Variants in VSX1 observed in about 807,000 individuals in gnomAD.
VSX1 encodes homeodomain protein RINX.
Under a neutral mutation model 23.6 loss-of-function variants are expected in VSX1, and 23 were observed. The ratio of observed to expected loss-of-function variants is 0.97; its 90% CI spans 0.70 to 1.38. VSX1 has a LOEUF of 1.38. VSX1 is among the 40% of genes most tolerant of loss of function. The probability of loss-of-function intolerance (pLI) is 0.00; values close to 1 mark genes in which losing one functional copy is unlikely to be tolerated. For synonymous variants in VSX1, 247 were observed against 215.1 expected (o/e 1.15, Z -1.30); for missense variants, 517 against 495.4 (o/e 1.04, Z -0.41).
At chr20:25,080,749 A>G (rs1190696314) in intron 1 of VSX1, among the ~76,000 whole-genome samples, 2 of 152,184 alleles carry the variant, frequency 1.3e-5, no homozygotes, top group Non-Finnish European at 2.9e-5. Context: ...AGGGAGTTTC[A>G]TTTTATCTTA....
At chr20:25,077,053 A>G (rs1378881816) in intron 4 of VSX1, among the ~76,000 whole-genome samples, 1 of 152,144 alleles carries the variant, frequency 6.6e-6, no homozygotes, top group African/African-American at 2.4e-5. Flanking sequence ...CCTCCTAACT[A>G]ATTACCCCGT....
chr20:25,078,618 G>T (rs1380412017), intron 3 of VSX1: 3 of 1,429,160 alleles, frequency 2.1e-6, no homozygotes, highest in Non-Finnish European at 9.2e-7. Context: ...TGATTTTAAA[G>T]AATGATTTGA....
downstream of VSX1, among the ~76,000 whole-genome samples, chr20:25,073,289 CAT>C (rs2089419017): frequency 1.3e-5 from 2 of 152,090 alleles, no homozygotes; most frequent in Admixed American, 1.3e-4. Flanking sequence ...AAACTTAGAA[CAT>C]ATTTAAAAAT....
rs2089474579 is a variant in VSX1, at chr20:25,075,751, C to A, written c.*510G>T. The A allele has an allele frequency of 6.4e-6, 1 of 157,138 alleles. No individual in the cohort carries two copies. Among genetic ancestry groups the A allele is most frequent in the African/African-American group, 2.4e-5 (1 of 41,436 alleles). 9.7% of individuals were successfully genotyped at this position (157,138 alleles called of 1,614,324 possible). On this transcript the variant is annotated 3_prime_UTR_variant, in exon 5 of 5. Coordinates refer to ENST00000376709, the MANE Select transcript of VSX1 (RefSeq NM_014588.6). ...ACACTCAAGAAAACACAAAATTACT[C>A]CCTAACAAGAAAATTGAAATATCCA...
At chr20:25,074,944 C>T (rs1223412472), downstream of VSX1, among the ~76,000 whole-genome samples, 1 of 152,208 alleles carries the variant, frequency 6.6e-6, no homozygotes, top group Non-Finnish European at 1.5e-5. Context: ...GGTGCAGTCT[C>T]AGGCCTCAGT....
chr20:25,079,737 G>A (rs779516617), intron 1 of VSX1, among the ~76,000 whole-genome samples: 1 of 151,600 alleles, frequency 6.6e-6, no homozygotes, highest in Non-Finnish European at 1.5e-5. Flanking sequence ...CAAAATGGCT[G>A]CTGCTATTAT....
At chr20:25,078,554 T>A in intron 3 of VSX1, 1 of 1,363,400 alleles carries the variant, frequency 7.3e-7, no homozygotes, top group Non-Finnish European at 9.4e-7. Context: ...TCTCTTTTTT[T>A]TTTTTTTCAT....
chr20:25,081,354 G>A (rs901718953), intron 1 of VSX1: 3 of 627,126 alleles, frequency 4.8e-6, no homozygotes, highest in East Asian at 3.5e-5. Context: ...GCCTGGCGCT[G>A]GGGGGAAAAA....
At chr20:25,079,620 T>C in intron 1 of VSX1, 106 bp from the exon 2 acceptor site, 1 of 1,207,332 alleles carries the variant, frequency 8.3e-7, no homozygotes, top group Admixed American at 2.0e-5. Flanking sequence ...GGTACTTAAG[T>C]AGTTTACAGT....
downstream of VSX1, chr20:25,071,672 G>C (rs6050296): frequency 0.013 from 7,719 of 616,652 alleles, 407 homozygotes; most frequent in African/African-American, 0.12. Flanking sequence ...CTAGGACCTA[G>C]CTGTCATGAC....
At chr20:25,073,474 C>G (rs1051925676), downstream of VSX1, among the ~76,000 whole-genome samples, 1 of 152,134 alleles carries the variant, frequency 6.6e-6, no homozygotes, top group Non-Finnish European at 1.5e-5. Flanking sequence ...CAGTCATTCC[C>G]CTTTCTTTCT....
At chr20:25,079,817 AGGTAGTAAAT>A (rs779239821) in intron 1 of VSX1, among the ~76,000 whole-genome samples, 7 of 152,168 alleles carry the variant, frequency 4.6e-5, no homozygotes, top group Non-Finnish European at 8.8e-5. Flanking sequence ...AAAATCACAC[AGGTAGTAAAT>A]GGTGAAGTTG....
In VSX1 at chr20:25,076,169, G is replaced by C; in HGVS notation, c.*92C>G. The C allele has an allele frequency of 6.4e-7, 1 of 1,554,532 alleles. No homozygotes were observed. Among genetic ancestry groups the C allele is most frequent in the South Asian group, 1.1e-5 (1 of 88,962 alleles). On this transcript the variant is annotated 3_prime_UTR_variant, in exon 5 of 5. Transcript: ENST00000376709. Reference sequence around the variant, plus strand: ...GACATTGTCAGAAGAAAATCAAACTGAGAGTATATGTCTTGGACAATTTTT... The same window carrying C: ...GACATTGTCAGAAGAAAATCAAACTCAGAGTATATGTCTTGGACAATTTTT...
chr20:25,075,206 C>T (rs1372434478), downstream of VSX1, among the ~76,000 whole-genome samples: 1 of 152,212 alleles, frequency 6.6e-6, no homozygotes, highest in Non-Finnish European at 1.5e-5. Flanking sequence ...TTTCCTTGTA[C>T]TGCCCTTCCT....
At chr20:25,079,047 T>C (rs1600384942) in intron 2 of VSX1, 95 bp from the exon 3 acceptor site, 1 of 1,479,684 alleles carries the variant, frequency 6.8e-7, no homozygotes, top group Non-Finnish European at 9.4e-7. Flanking sequence ...TCCTCTGCTG[T>C]CCAGACCCTA....
chr20:25,081,827 C>T lies in VSX1; in HGVS notation c.270G>A (p.Thr90=). 1.3e-6 allele frequency: 2 copies of T among 1,504,414 alleles called. No individual in the cohort carries two copies. The highest frequency in any genetic ancestry group is 2.7e-5 in the East Asian group (1 of 37,224). The allele number at this position is 1,504,414 out of a possible 1,614,324, so 93.2% of individuals were successfully genotyped here. The change falls in exon 1 of 5, where the codon ACG becomes ACA. Residue 90 remains threonine (T), a synonymous_variant. Transcript: ENST00000376709. ...LGLGLLCGFG[T]QPPAAARAPC... is the part of the protein sequence containing the mutation. ...GTGCTCGAGCGGCCGCCGGCGGCTGCGTGCCGAAGCCACAGAGGAGGCCGA... is the reference window on the plus strand; with the variant it reads ...GTGCTCGAGCGGCCGCCGGCGGCTGTGTGCCGAAGCCACAGAGGAGGCCGA...
intron 1 of VSX1, among the ~76,000 whole-genome samples, chr20:25,080,172 G>A (rs2089610166): frequency 6.6e-6 from 1 of 152,178 alleles, no homozygotes; most frequent in Non-Finnish European, 1.5e-5. Flanking sequence ...ACATCAAAAA[G>A]TCTAGATGGA....
chr20:25,078,981 G>T (rs796104730), intron 2 of VSX1, 29 bp from the exon 3 acceptor site: 1 of 1,612,752 alleles, frequency 6.2e-7, no homozygotes, highest in Non-Finnish European at 8.5e-7. Context: ...ACACAGGTGG[G>T]CACATGTCCC....
chr20:25,074,246 A>T (rs2089441264), downstream of VSX1, among the ~76,000 whole-genome samples: 1 of 152,220 alleles, frequency 6.6e-6, no homozygotes, highest in African/African-American at 2.4e-5. Flanking sequence ...AAAAACCAAG[A>T]GATCAGAAAG....
Sources: gnomAD v4.1 joint callset for allele counts (sites outside exome capture counted in the v4.1 genomes callset) on GRCh38, gnomAD v4.1.1 for gene constraint, MANE v1.5 for transcripts, NCBI Gene and HGNC (gene_info 2026-07-23, HGNC 2026-07-21) for gene names.